DNAAF5: variants seen among roughly 807,000 people sequenced by gnomAD.
DNAAF5 encodes the protein dynein axonemal assembly factor 5.
DNAAF5 carries 64 observed loss-of-function variants against 75.8 expected under a neutral mutation model. The ratio of observed to expected loss-of-function variants is 0.84; its 90% CI spans 0.69 to 1.04. DNAAF5 has a LOEUF of 1.04. Ranked by LOEUF, DNAAF5 falls within the 50% of genes least tolerant of loss-of-function variation. The pLI is 0.00. For missense variants in DNAAF5, 1,269 were observed against 1,178.5 expected, an observed-to-expected ratio of 1.08 and a Z score of -1.12; for synonymous variants, 657 against 557.2, an observed-to-expected ratio of 1.18 and a Z score of -2.52.
intron 10 of DNAAF5, among the ~76,000 whole-genome samples, chr7:774,438 C>A (rs1045569316): frequency 5.9e-5 from 9 of 152,184 alleles, no homozygotes; most frequent in Admixed American, 3.3e-4. Flanking sequence ...CCAGCCCGGT[C>A]GTGCTGCGGG....
rs533673948 is a variant in DNAAF5, at chr7:743,462, C to T, written c.1024+1997C>T. Among the ~76,000 whole-genome samples, 534 of 152,116 alleles carry T rather than the reference C, an allele frequency of 3.5e-3. 5 individuals are homozygous for T. Among genetic ancestry groups the T allele is most frequent in the African/African-American group, 0.012 (509 of 41,466 alleles). On this transcript the variant is annotated intron_variant, in intron 4 of 12. Coordinates refer to ENST00000297440, the MANE Select transcript of DNAAF5 (RefSeq NM_017802.4). ...AATCCACGCCTACAGAGCCGTGGCT[C>T]CTCCCGAGCCTGTGAATCACAGGGT...
At chr7:740,031 CGGCCCCTGGCCTCACAGGG>C (rs1781857065) in intron 2 of DNAAF5, among the ~76,000 whole-genome samples, 1 of 151,980 alleles carries the variant, frequency 6.6e-6, no homozygotes, top group Non-Finnish European at 1.5e-5. Flanking sequence ...ACCACGGAGT[CGGCCCCTGGCCTCACAGGG>C]GACAGCTCTG....
At chr7:769,869 G>A (rs1042325729) in intron 8 of DNAAF5, among the ~76,000 whole-genome samples, 1 of 152,188 alleles carries the variant, frequency 6.6e-6, no homozygotes, top group African/African-American at 2.4e-5. Context: ...TCGAACTCCC[G>A]ACCTCAGGTG....
chr7:768,141 G>C (rs1163503067), intron 8 of DNAAF5, among the ~76,000 whole-genome samples: 1 of 101,808 alleles, frequency 9.8e-6, no homozygotes, highest in Non-Finnish European at 2.0e-5. Flanking sequence ...TCCATGCTGC[G>C]AGCGCTCGCG....
chr7:736,968 G>GA (rs1373802278), intron 2 of DNAAF5, among the ~76,000 whole-genome samples: 1 of 151,946 alleles, frequency 6.6e-6, no homozygotes, highest in Non-Finnish European at 1.5e-5. Context: ...AGCAAGCCAA[G>GA]AAAAAAATGA....
intron 2 of DNAAF5, among the ~76,000 whole-genome samples, chr7:736,647 T>C (rs1781748082): frequency 6.6e-6 from 1 of 152,224 alleles, no homozygotes; most frequent in Non-Finnish European, 1.5e-5. Flanking sequence ...CCTGTTTTTC[T>C]TTACCCATTC....
At chr7:731,320 A>G (rs1353836786) in intron 2 of DNAAF5, among the ~76,000 whole-genome samples, 1 of 152,226 alleles carries the variant, frequency 6.6e-6, no homozygotes, top group Non-Finnish European at 1.5e-5. Flanking sequence ...GTCTAAAAAT[A>G]CCATCACTGT....
chr7:764,223 G>A (rs751390079), intron 8 of DNAAF5, among the ~76,000 whole-genome samples: 1 of 152,254 alleles, frequency 6.6e-6, no homozygotes, highest in Non-Finnish European at 1.5e-5. Context: ...AACCTTCAAA[G>A]TGTGCTTTTC....
rs1427356774 is a variant in DNAAF5, at chr7:786,447, G to A, written c.*794G>A. ...TATTAACGTTTATACTTTCATGTTT[G>A]AAAATTTAATTAAAAATGTTTGTTT... On this transcript the variant is annotated 3_prime_UTR_variant, in exon 13 of 13. Coordinates refer to ENST00000297440, the MANE Select transcript of DNAAF5 (RefSeq NM_017802.4). 1.3e-5 allele frequency: 2 copies of A among 152,242 alleles called. No individual in the cohort carries two copies. Among genetic ancestry groups the A allele is most frequent in the Non-Finnish European group, 2.9e-5 (2 of 68,052 alleles). The allele number at this position is 152,242 out of a possible 1,614,324, so 9.4% of individuals were successfully genotyped here.
intron 9 of DNAAF5, chr7:773,090 T>C (rs1778627223): frequency 6.6e-6 from 1 of 152,114 alleles, no homozygotes; most frequent in Non-Finnish European, 1.5e-5. Context: ...GTGGTGACCA[T>C]GGAGCAGGCG....
At position 741,433 on chromosome 7, in the gene DNAAF5, C is replaced by T. The variant is rs2128073046; in HGVS notation, c.992C>T (p.Ala331Val). Residue 331 changes from alanine (A) to valine (V), a missense_variant, in exon 4 of 13, where the codon GCC becomes GTC. Physicochemically the swap from Ala to Val is moderately conservative, Grantham distance 64. Transcript: ENST00000297440. Reference sequence around the variant, plus strand: ...GACCTGAAGGACAAGCTGGACTTTGCCCCTCCCACCCCACCCCATTACCCT... The same window carrying T: ...GACCTGAAGGACAAGCTGGACTTTGTCCCTCCCACCCCACCCCATTACCCT... ...EEDLKDKLDF[A>V]PPTPPHYPPH... 6.8e-7 allele frequency: 1 copy of T among 1,475,278 alleles called. No individual in the cohort carries two copies. The highest frequency in any genetic ancestry group is 9.2e-7 in the Non-Finnish European group (1 of 1,082,684). The allele number at this position is 1,475,278 out of a possible 1,614,324, so 91.4% of individuals were successfully genotyped here.
At chr7:763,300 G>A (rs752416991) in intron 7 of DNAAF5, among the ~76,000 whole-genome samples, 5 of 152,298 alleles carry the variant, frequency 3.3e-5, no homozygotes, top group Admixed American at 1.3e-4. Flanking sequence ...AATGGCCACC[G>A]GGGAGCCTCA....
chr7:743,246 C>G (rs1393307873), intron 4 of DNAAF5, among the ~76,000 whole-genome samples: 3 of 152,036 alleles, frequency 2.0e-5, no homozygotes, highest in Admixed American at 1.3e-4. Flanking sequence ...CGTGGTGGTG[C>G]ATGCCTGTAT....
intron 8 of DNAAF5, among the ~76,000 whole-genome samples, chr7:768,153 C>G (rs1778405087): frequency 7.9e-6 from 1 of 126,896 alleles, no homozygotes; most frequent in South Asian, 2.7e-4. Context: ...GCGCTCGCGG[C>G]TGGGAGCGCA....
chr7:775,626 G>A (rs1381038657), intron 11 of DNAAF5, among the ~76,000 whole-genome samples: 1 of 152,116 alleles, frequency 6.6e-6, no homozygotes, highest in South Asian at 2.1e-4. Flanking sequence ...GTATGTATTG[G>A]GGGGCAGAAT....
intron 6 of DNAAF5, among the ~76,000 whole-genome samples, chr7:760,971 C>T (rs1338438756): frequency 6.6e-6 from 1 of 152,250 alleles, no homozygotes; most frequent in African/African-American, 2.4e-5. Flanking sequence ...CTGACCAGCC[C>T]TTGGCATGCG....
At chr7:740,512 T>C (rs1205338340) in intron 2 of DNAAF5, among the ~76,000 whole-genome samples, 2 of 152,176 alleles carry the variant, frequency 1.3e-5, no homozygotes, top group Non-Finnish European at 2.9e-5. Context: ...GAGCCTGCTC[T>C]CGCCAACAGG....
intron 9 of DNAAF5, chr7:772,423 C>T (rs1778597535): frequency 6.6e-6 from 1 of 152,250 alleles, no homozygotes; most frequent in Non-Finnish European, 1.5e-5. Flanking sequence ...GATGCTCAGC[C>T]TGCGTCTGAC....
chr7:769,306 G>A, intron 8 of DNAAF5: 1 of 672,018 alleles, frequency 1.5e-6, no homozygotes, highest in Non-Finnish European at 2.7e-6. Context: ...CCCACCCTGA[G>A]CCTTCAGCTC....
Sources: allele counts gnomAD v4.1 joint callset (sites outside exome capture counted in the v4.1 genomes callset), GRCh38; gene constraint gnomAD v4.1.1; transcripts MANE v1.5; gene names NCBI Gene and HGNC (gene_info 2026-07-23, HGNC 2026-07-21).